The following PLA2R1 variants were observed in gnomAD, a reference collection of about 807,000 sequenced individuals.
The protein encoded by PLA2R1 is secretory phospholipase A2 receptor.
A neutral mutation model predicts 195.9 loss-of-function variants in PLA2R1; 158 were observed. The ratio of observed to expected loss-of-function variants is 0.81; its 90% CI spans 0.71 to 0.92. PLA2R1 has a LOEUF of 0.92. Among genes scored for constraint, PLA2R1 ranks in the 40% least tolerant of loss-of-function variants. The probability of loss-of-function intolerance (pLI) is 0.00; values close to 1 mark genes in which losing one functional copy is unlikely to be tolerated. For missense variants in PLA2R1, 1,626 were observed against 1,764.6 expected, an observed-to-expected ratio of 0.92 and a Z score of 1.41; for synonymous variants, 586 against 598.2, an observed-to-expected ratio of 0.98 and a Z score of 0.30.
At chr2:160,009,321 A>G (rs1692202765) in intron 10 of PLA2R1, among the ~76,000 whole-genome samples, 1 of 152,254 alleles carries the variant, frequency 6.6e-6, no homozygotes, top group African/African-American at 2.4e-5. Context: ...CCATTAATGG[A>G]TGAATGGATA....
At chr2:160,024,429 C>T (rs923066414) in intron 6 of PLA2R1, among the ~76,000 whole-genome samples, 1 of 152,172 alleles carries the variant, frequency 6.6e-6, no homozygotes, top group Non-Finnish European at 1.5e-5. Flanking sequence ...GAAATGGTGC[C>T]TTGGCCTCCC....
intron 17 of PLA2R1, among the ~76,000 whole-genome samples, chr2:159,974,464 T>C (rs1689402544): frequency 6.6e-6 from 1 of 152,190 alleles, no homozygotes; most frequent in Admixed American, 6.5e-5. Flanking sequence ...ATGGTAAGTA[T>C]AGCCAAATAT....
At chr2:160,019,972 C>G (rs568388870) in intron 8 of PLA2R1, 134 bp downstream of exon 8, 88 of 581,158 alleles carry the variant, frequency 1.5e-4, no homozygotes, top group Non-Finnish European at 2.6e-4. Flanking sequence ...TACTTGTTTG[C>G]TCTCTAACAT....
chr2:159,988,610 A>G (rs1406884263), intron 11 of PLA2R1, among the ~76,000 whole-genome samples: 6 of 152,226 alleles, frequency 3.9e-5, no homozygotes, highest in Non-Finnish European at 8.8e-5. Flanking sequence ...TTTTCAAGGC[A>G]TGCTTGTAAA....
chr2:160,047,636 A>G (rs1306514795), intron 1 of PLA2R1, among the ~76,000 whole-genome samples: 1 of 152,258 alleles, frequency 6.6e-6, no homozygotes, highest in Non-Finnish European at 1.5e-5. Flanking sequence ...TATGTGTGCA[A>G]TGATGAATTA....
At chr2:160,020,739 T>G (rs1693054646) in intron 7 of PLA2R1, among the ~76,000 whole-genome samples, 1 of 152,212 alleles carries the variant, frequency 6.6e-6, no homozygotes, top group Non-Finnish European at 1.5e-5. Flanking sequence ...GATGTGGTCC[T>G]TTGACCTTGA....
chr2:159,946,687 A>AT (rs1687405051), intron 27 of PLA2R1, 114 bp downstream of exon 27: 14 of 1,443,190 alleles, frequency 9.7e-6, no homozygotes, highest in Middle Eastern at 1.9e-4. Context: ...GCTTCATGCT[A>AT]TTTTTTCTCA....
intron 10 of PLA2R1, among the ~76,000 whole-genome samples, chr2:160,011,982 G>T (rs1022943012): frequency 7.9e-5 from 12 of 152,034 alleles, no homozygotes; most frequent in Admixed American, 7.2e-4. Flanking sequence ...GTGTGTGTGT[G>T]TATGCATTCC....
chr2:160,008,401 T>A (rs1692141789), intron 10 of PLA2R1, among the ~76,000 whole-genome samples: 1 of 152,162 alleles, frequency 6.6e-6, no homozygotes, highest in Non-Finnish European at 1.5e-5. Flanking sequence ...CCCTTGCATA[T>A]ATGTCAAATG....
intron 6 of PLA2R1, among the ~76,000 whole-genome samples, chr2:160,023,668 T>C (rs1265130506): frequency 6.6e-6 from 1 of 152,230 alleles, no homozygotes; most frequent in Admixed American, 6.5e-5. Context: ...TTTACTTTCC[T>C]AATAAACTTG....
intron 20 of PLA2R1, among the ~76,000 whole-genome samples, chr2:159,957,090 C>T (rs1042984482): frequency 6.6e-6 from 1 of 152,086 alleles, no homozygotes; most frequent in Non-Finnish European, 1.5e-5. Context: ...TCAAACACAT[C>T]AGGTGTTTAA....
At chr2:160,024,931 G>C (rs1246518921) in intron 6 of PLA2R1, among the ~76,000 whole-genome samples, 1 of 152,070 alleles carries the variant, frequency 6.6e-6, no homozygotes, top group Non-Finnish European at 1.5e-5. Flanking sequence ...TACTGAACCT[G>C]ACCTCACAGA....
chr2:159,926,069 A>G, the PLA2R1 span, among the ~76,000 whole-genome samples: 1 of 152,198 alleles, frequency 6.6e-6, no homozygotes, highest in African/African-American at 2.4e-5. Context: ...CAAACGTAAA[A>G]AGCTTCAAGC....
intron 10 of PLA2R1, among the ~76,000 whole-genome samples, chr2:160,012,601 C>CA (rs1257505043): frequency 7.0e-6 from 1 of 143,374 alleles, no homozygotes; most frequent in Non-Finnish European, 1.5e-5. Context: ...TACATTACAT[C>CA]AAAAAAATAC....
At chr2:160,020,738 C>G (rs987949675) in intron 7 of PLA2R1, among the ~76,000 whole-genome samples, 3 of 152,180 alleles carry the variant, frequency 2.0e-5, no homozygotes, top group African/African-American at 7.2e-5. Context: ...AGATGTGGTC[C>G]TTTGACCTTG....
chr2:159,930,452 T>C (rs1686563291), downstream of PLA2R1, among the ~76,000 whole-genome samples: 1 of 150,912 alleles, frequency 6.6e-6, no homozygotes. Context: ...CGTACACTGC[T>C]TGCATGATGG....
rs750227089 is a variant in PLA2R1, at chr2:159,967,646, T to G, written c.2797A>C (p.Met933Leu). Residue 933 changes from methionine (M) to leucine (L), a missense_variant, in exon 20 of 30, where the codon ATG becomes CTG. Physicochemically the swap from Met to Leu is conservative, Grantham distance 15 (BLOSUM62 2). Transcript: ENST00000283243. ...LWGSEECSVS[M>L]PSICKRKKVW... The stretch of plus-strand genomic sequence containing the variant: ...TTTTTTCGCTTACAGATACTAGGCA[T>G]AGAAACTGAACACTCTTCACTACCC... 4 of 1,613,880 alleles carry G rather than the reference T, an allele frequency of 2.5e-6. No homozygotes were observed. Among genetic ancestry groups the G allele is most frequent in the Non-Finnish European group, 3.4e-6 (4 of 1,179,796 alleles).
chr2:160,016,688 A>T lies in PLA2R1; in HGVS notation c.1477T>A (p.Cys493Ser). The change falls in exon 9 of 30, where the codon TGT (cysteine) becomes AGT (serine). Residue 493 changes from cysteine (C) to serine (S), a missense_variant. Transcript: ENST00000283243. ...CAAATGTAAAAAAGTCTTTCTTCAC[A>T]ATTTTTGACTTTCCAGTGTCCCTCC... Reference protein sequence around the residue: ...QSEGHWKVKNCEERLFYICKK... With the variant: ...QSEGHWKVKNSEERLFYICKK... The T allele has an allele frequency of 6.2e-7, 1 of 1,601,342 alleles. No homozygotes were observed. The highest frequency in any genetic ancestry group is 8.6e-7 in the Non-Finnish European group (1 of 1,168,414).
At chr2:159,996,666 T>C (rs1221774494) in intron 11 of PLA2R1, among the ~76,000 whole-genome samples, 1 of 152,150 alleles carries the variant, frequency 6.6e-6, no homozygotes, top group Non-Finnish European at 1.5e-5. Flanking sequence ...CCTTCTGATA[T>C]TCCCATTACA....
Sources: allele counts gnomAD v4.1 joint callset (sites outside exome capture counted in the v4.1 genomes callset), GRCh38; gene constraint gnomAD v4.1.1; transcripts MANE v1.5; gene names NCBI Gene and HGNC (gene_info 2026-07-23, HGNC 2026-07-21).